CSMD1: variants seen among roughly 807,000 people sequenced by gnomAD.
CSMD1 encodes the protein CUB and sushi domain-containing protein 1.
Under a neutral mutation model 417.5 loss-of-function variants are expected in CSMD1, and 213 were observed. That is an observed-to-expected ratio of 0.51 (90% CI 0.46 to 0.57). The LOEUF (loss-of-function observed/expected upper bound fraction) is 0.57. Among genes scored for constraint, CSMD1 ranks in the 20% least tolerant of loss-of-function variants. The pLI is 0.00. For synonymous variants in CSMD1, 2,862 were observed against 1,736.8 expected (o/e 1.65, Z -16.11); for missense variants, 6,923 against 4,529.7 (o/e 1.53, Z -15.17).
chr8:3,566,514 T>C (rs1292275305), intron 10 of CSMD1, among the ~76,000 whole-genome samples: 1 of 149,918 alleles, frequency 6.7e-6, no homozygotes, highest in Admixed American at 6.7e-5. Context: ...TCAGCCCCGG[T>C]ACACCCAACC....
intron 7 of CSMD1, among the ~76,000 whole-genome samples, chr8:3,653,768 C>G (rs17066820): frequency 0.068 from 10,310 of 152,134 alleles, 1,071 homozygotes; most frequent in African/African-American, 0.22. Context: ...CAGTGGGTCC[C>G]CAAAATGACA....
At chr8:4,390,331 A>G (rs1224903062) in intron 3 of CSMD1, among the ~76,000 whole-genome samples, 1 of 152,154 alleles carries the variant, frequency 6.6e-6, no homozygotes, top group African/African-American at 2.4e-5. Flanking sequence ...AAAAGAAGGA[A>G]AAGAGAAATA....
chr8:4,207,907 T>C (rs1800079539), intron 3 of CSMD1, among the ~76,000 whole-genome samples: 2 of 152,126 alleles, frequency 1.3e-5, no homozygotes, highest in South Asian at 4.1e-4. Flanking sequence ...CAAACATAAC[T>C]ATATTTATAT....
rs74611243 is a variant in CSMD1, at chr8:4,070,837, T to A, written c.416-38738A>T. On this transcript the variant is annotated intron_variant, in intron 3 of 69. Coordinates refer to ENST00000635120, the MANE Select transcript of CSMD1 (RefSeq NM_033225.6). ...CTCACCCTCATTCTTGAAGGTTGTT[T>A]TCACGTGATATAAATGTCTAGGTTG... Among the ~76,000 whole-genome samples the A allele has an allele frequency of 9.5e-3, 1,452 of 152,340 alleles. 17 individuals carry two copies. Among genetic ancestry groups the A allele is most frequent in the Non-Finnish European group, 0.013 (892 of 68,032 alleles).
chr8:4,153,386 C>G (rs1291837405), intron 3 of CSMD1, among the ~76,000 whole-genome samples: 3 of 152,202 alleles, frequency 2.0e-5, no homozygotes, highest in African/African-American at 4.8e-5. Flanking sequence ...GTGTAATACT[C>G]TGCAGTTCTA....
intron 12 of CSMD1, among the ~76,000 whole-genome samples, chr8:3,411,377 A>G (rs1812689701): frequency 6.6e-6 from 1 of 151,624 alleles, no homozygotes; most frequent in South Asian, 2.1e-4. Flanking sequence ...CTTTATTTCC[A>G]TAGGTTTTGG....
chr8:3,836,119 T>C (rs1009944335), intron 5 of CSMD1, among the ~76,000 whole-genome samples: 1 of 152,184 alleles, frequency 6.6e-6, no homozygotes, highest in Non-Finnish European at 1.5e-5. Flanking sequence ...CCACCTCCTA[T>C]CCTTTGAAAG....
At chr8:3,116,269 G>A (rs541293621) in intron 42 of CSMD1, among the ~76,000 whole-genome samples, 203 of 152,168 alleles carry the variant, frequency 1.3e-3, no homozygotes, top group African/African-American at 4.4e-3. Context: ...TGAATCGTGC[G>A]TTTCGGTTTC....
At chr8:4,893,580 G>C (rs1014624952) in intron 1 of CSMD1, among the ~76,000 whole-genome samples, 2 of 152,110 alleles carry the variant, frequency 1.3e-5, no homozygotes, top group Non-Finnish European at 2.9e-5. Context: ...TTGTAAATGT[G>C]TGATGTATTT....
intron 25 of CSMD1, among the ~76,000 whole-genome samples, chr8:3,292,130 A>C (rs1343812917): frequency 6.6e-6 from 1 of 151,958 alleles, no homozygotes; most frequent in Non-Finnish European, 1.5e-5. Context: ...CATATAGTTG[A>C]GCAGTGTTGA....
intron 7 of CSMD1, among the ~76,000 whole-genome samples, chr8:3,619,161 A>G (rs1802293750): frequency 2.6e-5 from 4 of 152,210 alleles, no homozygotes; most frequent in African/African-American, 9.6e-5. Context: ...TCTTTGGAAT[A>G]TTAATATGTT....
chr8:3,012,428 C>A (rs913908543), intron 52 of CSMD1, among the ~76,000 whole-genome samples: 12 of 152,182 alleles, frequency 7.9e-5, no homozygotes, highest in Admixed American at 4.6e-4. Context: ...CATATTCTCC[C>A]ATGTTGGAAG....
intron 3 of CSMD1, among the ~76,000 whole-genome samples, chr8:4,289,457 T>C (rs1232793106): frequency 6.6e-6 from 1 of 152,112 alleles, no homozygotes; most frequent in African/African-American, 2.4e-5. Flanking sequence ...AATGACTCCA[T>C]CAAGTCCAGT....
intron 3 of CSMD1, among the ~76,000 whole-genome samples, chr8:4,416,123 C>T (rs1796923570): frequency 6.6e-6 from 1 of 152,048 alleles, no homozygotes; most frequent in Admixed American, 6.5e-5. Context: ...TGTACAATTG[C>T]CTTACACTAT....
chr8:4,939,375 T>C lies in CSMD1; in HGVS notation c.85+54957A>G, dbSNP rs542842936. On this transcript the variant is annotated intron_variant, in intron 1 of 69. Transcript: ENST00000635120. ...TGTCTCTAGCAGCACTATTCATTAATAGCCAAGCTATGGAAACAACCTCAG... is the reference window on the plus strand; with the variant it reads ...TGTCTCTAGCAGCACTATTCATTAACAGCCAAGCTATGGAAACAACCTCAG... Among the ~76,000 whole-genome samples the C allele has an allele frequency of 1.3e-4, 20 of 152,348 alleles. No homozygotes were observed. In the East Asian group the frequency reaches 3.5e-3, roughly 26 times the overall value.
At chr8:3,512,848 G>T (rs376201584) in intron 10 of CSMD1, among the ~76,000 whole-genome samples, 1 of 151,822 alleles carries the variant, frequency 6.6e-6, no homozygotes, top group Non-Finnish European at 1.5e-5. Flanking sequence ...CGCCCACCTC[G>T]GCCTCCCAAA....
chr8:4,409,442 TCAA>T (rs1242874700), intron 3 of CSMD1, among the ~76,000 whole-genome samples: 3 of 152,066 alleles, frequency 2.0e-5, no homozygotes, highest in South Asian at 2.1e-4. Context: ...TAAAAACAAA[TCAA>T]CAACAAAAAA....
At chr8:4,142,195 A>T (rs1803832711) in intron 3 of CSMD1, among the ~76,000 whole-genome samples, 1 of 151,246 alleles carries the variant, frequency 6.6e-6, no homozygotes, top group African/African-American at 2.5e-5. Context: ...TAATCACCAG[A>T]TTAAAACATT....
intron 3 of CSMD1, among the ~76,000 whole-genome samples, chr8:4,121,828 G>A (rs1337963030): frequency 2.0e-5 from 3 of 151,756 alleles, no homozygotes; most frequent in African/African-American, 4.8e-5. Context: ...CAAGGCTTTG[G>A]GGGGGACAAA....
Sources: gnomAD v4.1 joint callset for allele counts (sites outside exome capture counted in the v4.1 genomes callset) on GRCh38, gnomAD v4.1.1 for gene constraint, MANE v1.5 for transcripts, NCBI Gene and HGNC (gene_info 2026-07-23, HGNC 2026-07-21) for gene names.